CAMKMT: variants seen among roughly 807,000 people sequenced by gnomAD.
CAMKMT encodes calmodulin-lysine N-methyltransferase, also known as CaM KMT.
A neutral mutation model predicts 48.0 loss-of-function variants in CAMKMT; 53 were observed. The observed-to-expected ratio is 1.10, with a 90% CI of 0.89 to 1.39. The LOEUF is 1.39. Among genes scored for constraint, CAMKMT ranks in the 40% most tolerant of loss-of-function variants. CAMKMT has a pLI of 0.00. For missense variants in CAMKMT, 428 were observed against 402.7 expected (o/e 1.06, Z -0.54); for synonymous variants, 165 against 152.3 (o/e 1.08, Z -0.61).
intron 9 of CAMKMT, among the ~76,000 whole-genome samples, chr2:44,764,609 G>T (rs1328259511): frequency 6.6e-6 from 1 of 152,114 alleles, no homozygotes. Flanking sequence ...ATTGTCCTGA[G>T]GTGACACCGC....
chr2:44,362,177 C>T, intron 1 of CAMKMT, 32 bp downstream of exon 1: 2 of 1,433,468 alleles, frequency 1.4e-6, no homozygotes, highest in Non-Finnish European at 1.8e-6. Flanking sequence ...TCACCTTTGC[C>T]TCTGGTCACT....
intron 3 of CAMKMT, among the ~76,000 whole-genome samples, chr2:44,499,658 T>A (rs965519639): frequency 6.6e-6 from 1 of 152,218 alleles, no homozygotes; most frequent in African/African-American, 2.4e-5. Flanking sequence ...CTGGTGAGTA[T>A]TGATGAAATT....
At chr2:44,591,875 A>C (rs1670304086) in intron 3 of CAMKMT, among the ~76,000 whole-genome samples, 2 of 152,120 alleles carry the variant, frequency 1.3e-5, no homozygotes, top group Admixed American at 1.3e-4. Context: ...ATGGAATACT[A>C]TGCAGCCATA....
At chr2:44,495,053 A>G (rs961976943) in intron 3 of CAMKMT, among the ~76,000 whole-genome samples, 2 of 152,258 alleles carry the variant, frequency 1.3e-5, no homozygotes, top group African/African-American at 4.8e-5. Flanking sequence ...GTCCACATCC[A>G]TGTAATAAAA....
chr2:44,434,369 A>G (rs1046626556), intron 3 of CAMKMT, among the ~76,000 whole-genome samples: 1 of 152,128 alleles, frequency 6.6e-6, no homozygotes, highest in African/African-American at 2.4e-5. Flanking sequence ...ATGGCTTAGT[A>G]TTAGGTTTGC....
At chr2:44,459,103 A>G (rs904407999) in intron 3 of CAMKMT, among the ~76,000 whole-genome samples, 106 of 145,528 alleles carry the variant, frequency 7.3e-4, no homozygotes, top group Middle Eastern at 3.6e-3. Flanking sequence ...TCTAAGTGGG[A>G]AAAAAAAAAA....
intron 3 of CAMKMT, among the ~76,000 whole-genome samples, chr2:44,662,583 GA>G (rs1444339404): frequency 7.9e-5 from 12 of 152,130 alleles, no homozygotes; most frequent in African/African-American, 9.7e-5. Context: ...TTTGTCAGTG[GA>G]AATAACATTT....
chr2:44,726,162 G>T (rs1205441453), intron 7 of CAMKMT, among the ~76,000 whole-genome samples: 10 of 152,166 alleles, frequency 6.6e-5, no homozygotes, highest in Admixed American at 6.5e-4. Flanking sequence ...GGATTGCTGG[G>T]TCGAATGGTT....
intron 2 of CAMKMT, among the ~76,000 whole-genome samples, chr2:44,380,728 G>T (rs754692471): frequency 6.6e-6 from 1 of 152,046 alleles, no homozygotes; most frequent in Non-Finnish European, 1.5e-5. Flanking sequence ...CCATCTTTTA[G>T]GGTTTTTAAA....
chr2:44,412,387 GTACAA>G (rs1250617777), intron 3 of CAMKMT, among the ~76,000 whole-genome samples: 1 of 152,162 alleles, frequency 6.6e-6, no homozygotes, highest in African/African-American at 2.4e-5. Context: ...CTAGGCTGAA[GTACAA>G]TGGCACAATC....
At chr2:44,669,353 A>AT (rs1041627578) in intron 3 of CAMKMT, among the ~76,000 whole-genome samples, 2 of 152,102 alleles carry the variant, frequency 1.3e-5, no homozygotes, top group African/African-American at 4.8e-5. Flanking sequence ...TCACTTCAGG[A>AT]TTTTTTGCCA....
At chr2:44,642,705 T>A (rs894974643) in intron 3 of CAMKMT, among the ~76,000 whole-genome samples, 2 of 152,012 alleles carry the variant, frequency 1.3e-5, no homozygotes, top group Non-Finnish European at 2.9e-5. Context: ...TCTAAACTAC[T>A]CTGGGGGAGA....
intron 3 of CAMKMT, among the ~76,000 whole-genome samples, chr2:44,603,172 T>G (rs1671096776): frequency 6.6e-6 from 1 of 152,114 alleles, no homozygotes; most frequent in Non-Finnish European, 1.5e-5. Context: ...CACTGCAGCC[T>G]CTGCCTCCTG....
chr2:44,771,216 G>C (rs1177304288), intron 10 of CAMKMT, among the ~76,000 whole-genome samples: 1 of 152,032 alleles, frequency 6.6e-6, no homozygotes. Flanking sequence ...ATAATTTAAA[G>C]AAATATTTAT....
At chr2:44,521,360 C>T (rs1263699139) in intron 3 of CAMKMT, among the ~76,000 whole-genome samples, 3 of 152,090 alleles carry the variant, frequency 2.0e-5, no homozygotes, top group Non-Finnish European at 4.4e-5. Context: ...CTCACTGCAA[C>T]CTCTGCCTCC....
chr2:44,644,352 A>G lies in CAMKMT; in HGVS notation c.377-59931A>G, dbSNP rs114024741. Among the ~76,000 whole-genome samples the G allele has an allele frequency of 1.8e-3, 269 of 152,360 alleles. 2 individuals carry two copies. The highest frequency in any genetic ancestry group is 5.9e-3 in the African/African-American group (247 of 41,580). On this transcript the variant is annotated intron_variant, in intron 3 of 10. Transcript: ENST00000378494. ...AATGGACCCTTCAAGAAGTAAGTCT[A>G]TAAGTTGTTTTATCAACTTATAGAT...
intron 3 of CAMKMT, among the ~76,000 whole-genome samples, chr2:44,598,618 A>G (rs1465044603): frequency 2.0e-5 from 3 of 150,372 alleles, no homozygotes; most frequent in Non-Finnish European, 4.4e-5. Flanking sequence ...TAGAAATACA[A>G]TGATTAAAGG....
chr2:44,717,423 G>A (rs1288753989), intron 7 of CAMKMT, among the ~76,000 whole-genome samples: 1 of 152,140 alleles, frequency 6.6e-6, no homozygotes, highest in East Asian at 1.9e-4. Flanking sequence ...AAGAAGCTAA[G>A]AGAAATGGCC....
chr2:44,718,756 G>A (rs547984140), intron 7 of CAMKMT, among the ~76,000 whole-genome samples: 5 of 152,328 alleles, frequency 3.3e-5, no homozygotes, highest in African/African-American at 1.2e-4. Context: ...ATGTAAGTAA[G>A]TTTCACTTAA....
Sources: allele counts gnomAD v4.1 joint callset (sites outside exome capture counted in the v4.1 genomes callset), GRCh38; gene constraint gnomAD v4.1.1; transcripts MANE v1.5; gene names NCBI Gene and HGNC (gene_info 2026-07-23, HGNC 2026-07-21).